TP63: variants seen among roughly 807,000 people sequenced by gnomAD.
The protein encoded by TP63 is tumor protein 63.
TP63 carries 17 observed loss-of-function variants against 82.8 expected under a neutral mutation model. The ratio of observed to expected loss-of-function variants is 0.21; its 90% CI spans 0.14 to 0.31. TP63 has a LOEUF of 0.31. TP63 is among the 10% of genes least tolerant of loss of function. TP63 has a pLI of 1.00. For synonymous variants in TP63, 330 were observed against 321.7 expected, an observed-to-expected ratio of 1.03 and a Z score of -0.28; for missense variants, 648 against 895.3, an observed-to-expected ratio of 0.72 and a Z score of 3.52.
At chr3:189,717,540 T>G (rs947754770) in intron 1 of TP63, among the ~76,000 whole-genome samples, 6 of 152,232 alleles carry the variant, frequency 3.9e-5, no homozygotes, top group African/African-American at 9.6e-5. Flanking sequence ...AATTTGAATT[T>G]CTTTAAACTC....
chr3:189,661,790 C>T (rs1713905071), intron 1 of TP63, among the ~76,000 whole-genome samples: 1 of 151,940 alleles, frequency 6.6e-6, no homozygotes, highest in African/African-American at 2.4e-5. Flanking sequence ...CTTCCTGCTT[C>T]AATCCTGAGA....
intron 10 of TP63, chr3:189,880,714 G>A (rs1195438640): frequency 3.0e-6 from 3 of 985,314 alleles, no homozygotes; most frequent in Non-Finnish European, 2.4e-6. Flanking sequence ...AGTAAGAAAC[G>A]AAGGTGTCAA....
intron 1 of TP63, among the ~76,000 whole-genome samples, chr3:189,667,702 A>G (rs1714524559): frequency 6.6e-6 from 1 of 152,098 alleles, no homozygotes; most frequent in Admixed American, 6.6e-5. Context: ...CAATGCCCCA[A>G]CTCAGCTAGA....
chr3:189,879,409 A>G (rs946631695), intron 10 of TP63, among the ~76,000 whole-genome samples: 1 of 152,200 alleles, frequency 6.6e-6, no homozygotes, highest in Non-Finnish European at 1.5e-5. Context: ...ATATGCATTT[A>G]TAGGCCGAGT....
intron 10 of TP63, among the ~76,000 whole-genome samples, chr3:189,875,619 T>TATATATACAC (rs1553859740): frequency 1.9e-5 from 2 of 103,346 alleles, no homozygotes; most frequent in Non-Finnish European, 4.0e-5. Context: ...TATATATATA[T>TATATATACAC]ATATATATAT....
the TP63 span, among the ~76,000 whole-genome samples, chr3:189,606,546 C>T: frequency 7.4e-4 from 88 of 119,436 alleles, no homozygotes; most frequent in Non-Finnish European, 1.3e-3. Context: ...CAGAGTCTTG[C>T]TCTGTCACCT....
chr3:189,894,536 T>C lies in TP63; in HGVS notation c.*34T>C. On this transcript the variant is annotated 3_prime_UTR_variant, in exon 14 of 14. Transcript: ENST00000264731. ...ATGTGAGCTCTTCCTATCCCTCTCC[T>C]AACTGCCAGCCCCCTAAAAGCACTC... is the stretch of plus-strand genomic sequence containing the variant. 6.2e-7 allele frequency: 1 copy of C among 1,609,970 alleles called. No individual in the cohort carries two copies. Among genetic ancestry groups the C allele is most frequent in the Non-Finnish European group, 8.5e-7 (1 of 1,179,624 alleles).
chr3:189,622,345 C>G, the TP63 span, among the ~76,000 whole-genome samples: 1 of 152,060 alleles, frequency 6.6e-6, no homozygotes, highest in Non-Finnish European at 1.5e-5. Context: ...TTTTGAGAGT[C>G]AAAAGCAAAA....
At chr3:189,620,883 G>A in the TP63 span, among the ~76,000 whole-genome samples, 1 of 152,130 alleles carries the variant, frequency 6.6e-6, no homozygotes, top group African/African-American at 2.4e-5. Flanking sequence ...TGAACCAGAG[G>A]TTGTCCACAA....
At chr3:189,734,062 T>TTCTTTCTTTTCTTTCTTTCTC (rs1720371048) in intron 1 of TP63, among the ~76,000 whole-genome samples, 1 of 151,746 alleles carries the variant, frequency 6.6e-6, no homozygotes, top group Admixed American at 6.6e-5. Context: ...CTCTTTCTTT[T>TTCTTTCTTTTCTTTCTTTCTC]TCTTTCTTTT....
At chr3:189,721,270 G>A (rs575128187) in intron 1 of TP63, among the ~76,000 whole-genome samples, 1 of 152,152 alleles carries the variant, frequency 6.6e-6, no homozygotes, top group Non-Finnish European at 1.5e-5. Context: ...GTGTAACAGA[G>A]AGAGGAACAA....
intron 1 of TP63, among the ~76,000 whole-genome samples, chr3:189,714,703 G>A (rs890593730): frequency 5.3e-5 from 8 of 152,132 alleles, no homozygotes; most frequent in Non-Finnish European, 8.8e-5. Context: ...TGGTTTCTCA[G>A]GAGGGAGTAT....
chr3:189,889,482 C>T lies in TP63; in HGVS notation c.1650C>T (p.Val550=). ...CGTATCCCACAGATTGCAGCATTGT[C>T]AGGTGAGTCCACAGCATGTGCCCCT... ...PPPYPTDCSI[V]SFLARLGCSS... The change falls in exon 12 of 14, where the codon GTC becomes GTT. Residue 550 remains valine (V), a splice_region_variant and synonymous_variant. Transcript: ENST00000264731. 6.2e-7 allele frequency: 1 copy of T among 1,614,200 alleles called. No homozygotes were observed. The highest frequency in any genetic ancestry group is 8.5e-7 in the Non-Finnish European group (1 of 1,180,020).
At chr3:189,854,387 C>T (rs1414860363) in intron 4 of TP63, among the ~76,000 whole-genome samples, 8 of 151,958 alleles carry the variant, frequency 5.3e-5, no homozygotes, top group Admixed American at 2.6e-4. Context: ...TGTGCCACCA[C>T]GCCCAGCTAA....
chr3:189,649,104 C>T (rs1712663776), intron 1 of TP63, among the ~76,000 whole-genome samples: 1 of 147,114 alleles, frequency 6.8e-6, no homozygotes, highest in Admixed American at 6.7e-5. Context: ...GGAAGTGTAT[C>T]TTCAGTCCAT....
At chr3:189,601,143 T>G in the TP63 span, among the ~76,000 whole-genome samples, 1 of 152,226 alleles carries the variant, frequency 6.6e-6, no homozygotes, top group East Asian at 1.9e-4. Flanking sequence ...TCAGGTTGGA[T>G]GTGTTCTTTT....
chr3:189,885,957 CA>C (rs1436904600), intron 10 of TP63, among the ~76,000 whole-genome samples: 1 of 152,154 alleles, frequency 6.6e-6, no homozygotes, highest in Non-Finnish European at 1.5e-5. Context: ...CAGAAAGCTA[CA>C]AATGGAATGC....
chr3:189,765,433 C>CTTTTTATTTTTTTTTTTTTTTTTTTTTT (rs1722871964), intron 3 of TP63, among the ~76,000 whole-genome samples: 1 of 30,088 alleles, frequency 3.3e-5, no homozygotes, highest in Non-Finnish European at 5.9e-5. Flanking sequence ...CTGTCCTCTG[C>CTTTTTATTTTTTTTTTTTTTTTTTTTTT]TTTTTTTTTT....
At chr3:189,812,018 G>A (rs1727622395) in intron 4 of TP63, among the ~76,000 whole-genome samples, 1 of 152,168 alleles carries the variant, frequency 6.6e-6, no homozygotes, top group African/African-American at 2.4e-5. Flanking sequence ...TTTTAGAACT[G>A]CCCACAAACT....
Sources: allele counts gnomAD v4.1 joint callset (sites outside exome capture counted in the v4.1 genomes callset), GRCh38; gene constraint gnomAD v4.1.1; transcripts MANE v1.5; gene names NCBI Gene and HGNC (gene_info 2026-07-23, HGNC 2026-07-21).